AKAP3: variants seen among roughly 807,000 people sequenced by gnomAD.
AKAP3 encodes A-kinase anchor protein 3.
Under a neutral mutation model 57.2 loss-of-function variants are expected in AKAP3, and 27 were observed. The observed-to-expected ratio is 0.47, with a 90% confidence interval of 0.35 to 0.65. AKAP3 has a LOEUF of 0.65. Ranked by LOEUF, AKAP3 falls within the 30% of genes least tolerant of loss-of-function variation. The pLI is 0.01. For synonymous variants in AKAP3, 334 were observed against 392.3 expected (o/e 0.85, Z 1.76); for missense variants, 959 against 1,040.0 (o/e 0.92, Z 1.07).
chr12:4,634,019 C>T (rs61911366), intron 4 of AKAP3, among the ~76,000 whole-genome samples: 8 of 148,484 alleles, frequency 5.4e-5, no homozygotes, highest in African/African-American at 2.0e-4. Flanking sequence ...AACCTGAGCA[C>T]CTCAATATAA....
Position 4,627,134 on chromosome 12 carries a change from G to C in AKAP3, c.1768C>G (p.Leu590Val). Residue 590 changes from leucine (L) to valine (V), a missense_variant, in exon 5 of 6, where the codon CTA (leucine) becomes GTA (valine). Physicochemically the swap from Leu to Val is conservative, Grantham distance 32. Coordinates refer to ENST00000228850, the MANE Select transcript of AKAP3 (RefSeq NM_001278309.2). ...GDQEQAEKKD[L>V]RSVFFNFIRN... is the part of the protein sequence containing the mutation. The stretch of plus-strand genomic sequence containing the variant: ...ATGAAATTAAAGAAAACACTCCTTA[G>C]GTCCTTCTTTTCTGCTTGTTCTTGG... 6.2e-7 allele frequency: 1 copy of C among 1,614,100 alleles called. No homozygotes were observed. The highest frequency in any genetic ancestry group is 8.5e-7 in the Non-Finnish European group (1 of 1,180,038).
At chr12:4,619,436 A>C (rs1436510973) in intron 5 of AKAP3, among the ~76,000 whole-genome samples, 4 of 151,962 alleles carry the variant, frequency 2.6e-5, no homozygotes, top group Middle Eastern at 3.2e-3. Context: ...GGATGCCTGT[A>C]GTCCCAGCTA....
chr12:4,628,198 G>A lies in AKAP3; in HGVS notation c.704C>T (p.Pro235Leu), dbSNP rs1945449603. Residue 235 changes from proline to leucine, a missense_variant, in exon 5 of 6, where the codon CCT (proline) becomes CTT (leucine). Coordinates refer to ENST00000228850, the MANE Select transcript of AKAP3 (RefSeq NM_001278309.2). ...KERQGPDDKP[P>L]SKKSFFYKEV... ...CTTATAGAAGAAAGACTTCTTAGAA[G>A]GAGGCTTGTCATCTGGACCCTGTCT... is the stretch of plus-strand genomic sequence containing the variant. 1 of 1,614,112 alleles carries A rather than the reference G, an allele frequency of 6.2e-7. No individual in the cohort carries two copies.
chr12:4,636,183 C>T, intron 4 of AKAP3: 1 of 575,036 alleles, frequency 1.7e-6, no homozygotes, highest in Non-Finnish European at 3.1e-6. Flanking sequence ...GAAATAAGTC[C>T]CTAATTTCAG....
At chr12:4,620,702 G>A (rs79430652) in intron 5 of AKAP3, among the ~76,000 whole-genome samples, 4,830 of 152,060 alleles carry the variant, frequency 0.032, 211 homozygotes, top group South Asian at 0.11. Context: ...CATAGTTATC[G>A]TAACAGAGCA....
At position 4,626,974 on chromosome 12, in the gene AKAP3, T is replaced by C; in HGVS notation, c.1928A>G (p.Asp643Gly). Residue 643 changes from aspartate (D) to glycine (G), a missense_variant, in exon 5 of 6, where the codon GAT becomes GGT. By Grantham distance (94) the Asp-to-Gly change is moderately conservative. Transcript: ENST00000228850. ...AGAAAGGGCACCAGGGGTCTCATCA[T>C]CCTCATATAGCCTGGGGGGAGAAGA... Reference protein sequence around the residue: ...LASSPPRLYEDDETPGALSGL... With the variant: ...LASSPPRLYEGDETPGALSGL... 6.2e-7 allele frequency: 1 copy of C among 1,614,146 alleles called. No homozygotes were observed.
Position 4,628,478 on chromosome 12 carries a change from C to T in AKAP3, c.424G>A (p.Glu142Lys), listed in dbSNP as rs764040077. 3.7e-6 allele frequency: 6 copies of T among 1,614,192 alleles called. No homozygotes were observed. Among genetic ancestry groups the T allele is most frequent in the Non-Finnish European group, 5.1e-6 (6 of 1,180,030 alleles). ...TNLVIAMARK[E>K]INEKIDGSEN... ...GAGCCATCGATCTTCTCATTGATCT[C>T]TTTGCGGGCCATGGCTATGACTAGA... is the stretch of plus-strand genomic sequence containing the variant. The change falls in exon 5 of 6, where the codon GAG becomes AAG. Residue 142 changes from glutamate (E) to lysine (K), a missense_variant. Coordinates refer to ENST00000228850, the MANE Select transcript of AKAP3 (RefSeq NM_001278309.2).
intron 1 of AKAP3, among the ~76,000 whole-genome samples, chr12:4,646,115 T>C (rs1945695124): frequency 6.6e-6 from 1 of 152,196 alleles, no homozygotes; most frequent in Non-Finnish European, 1.5e-5. Flanking sequence ...ACAATAACCC[T>C]ATTTTATCAT....
chr12:4,632,114 T>C (rs1308992380), intron 4 of AKAP3, among the ~76,000 whole-genome samples: 2 of 152,256 alleles, frequency 1.3e-5, no homozygotes, highest in African/African-American at 4.8e-5. Flanking sequence ...ATTGAGTTAA[T>C]GCATATTCAC....
intron 4 of AKAP3, chr12:4,636,129 G>T: frequency 3.2e-6 from 3 of 924,834 alleles, no homozygotes; most frequent in Non-Finnish European, 5.2e-6. Flanking sequence ...CAGTATTTGA[G>T]CCATAGGGTC....
intron 3 of AKAP3, 119 bp from the exon 4 acceptor site, chr12:4,638,315 C>T: frequency 1.4e-6 from 1 of 703,132 alleles, no homozygotes; most frequent in South Asian, 1.7e-5. Context: ...TCAATAGAGA[C>T]CTTCCCCAAC....
intron 3 of AKAP3, 57 bp from the exon 4 acceptor site, chr12:4,638,253 G>C: frequency 8.0e-7 from 1 of 1,254,640 alleles, no homozygotes; most frequent in Middle Eastern, 1.9e-4. Flanking sequence ...TTTTATGAAA[G>C]TAAGAAGAAA....
intron 2 of AKAP3, among the ~76,000 whole-genome samples, 191 bp from the exon 3 acceptor site, chr12:4,642,195 G>A (rs1212046840): frequency 6.6e-6 from 1 of 152,142 alleles, no homozygotes; most frequent in Non-Finnish European, 1.5e-5. Flanking sequence ...ATGACAAAAA[G>A]GTTGCACTTT....
rs1945414491 is a variant in AKAP3, at chr12:4,626,595, C to G, written c.2307G>C (p.Gln769His). The G allele has an allele frequency of 6.2e-7, 1 of 1,614,194 alleles. No individual in the cohort carries two copies. Residue 769 changes from glutamine (Q) to histidine (H), a missense_variant, in exon 5 of 6, where the codon CAG becomes CAC. By Grantham distance (24) the Gln-to-His change is conservative. Transcript: ENST00000228850. Reference sequence around the variant, plus strand: ...GAAGGACGGCTTGGAGTTGCTTGTTCTGAACTGTGTCCGTTAGGTTGTGAT... The same window carrying G: ...GAAGGACGGCTTGGAGTTGCTTGTTGTGAACTGTGTCCGTTAGGTTGTGAT... ...VSNHNLTDTV[Q>H]NKQLQAVLQW...
intron 5 of AKAP3, among the ~76,000 whole-genome samples, chr12:4,621,304 ATATT>A (rs914806743): frequency 3.6e-4 from 55 of 152,322 alleles, no homozygotes; most frequent in African/African-American, 1.3e-3. Context: ...ATATTTTAAA[ATATT>A]TATTGTAGCC....
At chr12:4,626,087 G>A (rs1253114041) in intron 5 of AKAP3, among the ~76,000 whole-genome samples, 1 of 151,958 alleles carries the variant, frequency 6.6e-6, no homozygotes, top group Non-Finnish European at 1.5e-5. Flanking sequence ...GTTTGAAAAG[G>A]TCATAAATTC....
chr12:4,626,963 G>A lies in AKAP3; in HGVS notation c.1939C>T (p.Pro647Ser). ...TTGGTCAGCCCAGAAAGGGCACCAGGGGTCTCATCATCCTCATATAGCCTG... is the reference window on the plus strand; with the variant it reads ...TTGGTCAGCCCAGAAAGGGCACCAGAGGTCTCATCATCCTCATATAGCCTG... ...PPRLYEDDETPGALSGLTKMA... is the reference protein window; with the variant it reads ...PPRLYEDDETSGALSGLTKMA... Residue 647 changes from proline (P) to serine (S), a missense_variant, in exon 5 of 6, where the codon CCT (proline) becomes TCT (serine). Transcript: ENST00000228850. 1 of 1,614,112 alleles carries A rather than the reference G, an allele frequency of 6.2e-7. No homozygotes were observed. Among genetic ancestry groups the A allele is most frequent in the South Asian group, 1.1e-5 (1 of 91,070 alleles).
At chr12:4,645,879 A>G (rs1945692408) in intron 1 of AKAP3, 1 of 152,156 alleles carries the variant, frequency 6.6e-6, no homozygotes, top group South Asian at 2.1e-4. Flanking sequence ...CAGCAGAGTA[A>G]GTATTATGTA....
intron 5 of AKAP3, among the ~76,000 whole-genome samples, chr12:4,619,388 A>G (rs750149298): frequency 6.6e-6 from 1 of 151,680 alleles, no homozygotes; most frequent in Non-Finnish European, 1.5e-5. Context: ...ACAAGACCCC[A>G]TCTCTAAAAC....
Sources: gnomAD v4.1 joint callset for allele counts (sites outside exome capture counted in the v4.1 genomes callset) on GRCh38, gnomAD v4.1.1 for gene constraint, MANE v1.5 for transcripts, NCBI Gene and HGNC (gene_info 2026-07-23, HGNC 2026-07-21) for gene names.